DHRSX: variants seen among roughly 807,000 people sequenced by gnomAD.
DHRSX encodes polyprenol dehydrogenase.
A neutral mutation model predicts 34.0 loss-of-function variants in DHRSX; 31 were observed. The ratio of observed to expected loss-of-function variants is 0.91; its 90% confidence interval spans 0.69 to 1.23. DHRSX has a LOEUF of 1.23. DHRSX is among the 50% of genes most tolerant of loss of function. The pLI is 0.00. For synonymous variants in DHRSX, 201 were observed against 183.8 expected, an observed-to-expected ratio of 1.09 and a Z score of -0.76; for missense variants, 414 against 428.1, an observed-to-expected ratio of 0.97 and a Z score of 0.29.
At chrX:2,242,330 C>G (rs1045942794) in intron 6 of DHRSX, among the ~76,000 whole-genome samples, 49 of 147,288 alleles carry the variant, frequency 3.3e-4, no homozygotes, top group African/African-American at 1.2e-3. Context: ...GCGTCACCCA[C>G]CGAGCTCGCA....
intron 1 of DHRSX, among the ~76,000 whole-genome samples, chrX:2,438,954 G>T (rs1266361663): frequency 6.6e-6 from 1 of 151,942 alleles, no homozygotes; most frequent in African/African-American, 2.4e-5. Context: ...AGACCAGCCT[G>T]GCCAACATGG....
chrX:2,229,123 G>C (rs1252936245), intron 6 of DHRSX, among the ~76,000 whole-genome samples: 2 of 152,152 alleles, frequency 1.3e-5, no homozygotes, highest in Non-Finnish European at 2.9e-5. Context: ...TCCTTGAGTT[G>C]TGCTGAGAGA....
intron 6 of DHRSX, among the ~76,000 whole-genome samples, chrX:2,238,348 C>T (rs1260929411): frequency 1.3e-5 from 2 of 152,050 alleles, no homozygotes; most frequent in Non-Finnish European, 2.9e-5. Flanking sequence ...CAGGGCGAGA[C>T]CCCATCTCAA....
intron 6 of DHRSX, 104 bp from the exon 7 acceptor site, chrX:2,221,333 A>C: frequency 1.0e-3 from 1,190 of 1,159,132 alleles, no homozygotes; most frequent in Non-Finnish European, 1.4e-3. Context: ...GAATATACTC[A>C]TCAGCTGCAC....
chrX:2,260,613 C>T (rs1373774033), intron 5 of DHRSX, among the ~76,000 whole-genome samples: 1 of 152,104 alleles, frequency 6.6e-6, no homozygotes, highest in African/African-American at 2.4e-5. Context: ...ACGCGCAGCA[C>T]CACGCCCGGC....
intron 3 of DHRSX, among the ~76,000 whole-genome samples, chrX:2,294,801 GA>G (rs2041912065): frequency 8.1e-6 from 1 of 124,064 alleles, no homozygotes; most frequent in South Asian, 2.6e-4. Context: ...GAGGGAGAGA[GA>G]GAGAGGAAAA....
intron 4 of DHRSX, among the ~76,000 whole-genome samples, chrX:2,267,697 A>G (rs1042880646): frequency 6.6e-6 from 1 of 152,128 alleles, no homozygotes; most frequent in Non-Finnish European, 1.5e-5. Context: ...ATGTAATCCC[A>G]GCCTTTGGGT....
intron 1 of DHRSX, among the ~76,000 whole-genome samples, chrX:2,447,471 A>G (rs955036870): frequency 6.6e-6 from 1 of 152,202 alleles, no homozygotes; most frequent in African/African-American, 2.4e-5. Context: ...AGGTTCAGTC[A>G]TGGGCCTGTG....
At chrX:2,418,210 A>T (rs1204703955) in intron 2 of DHRSX, among the ~76,000 whole-genome samples, 2 of 152,198 alleles carry the variant, frequency 1.3e-5, no homozygotes, top group Non-Finnish European at 2.9e-5. Context: ...ACCATACCTC[A>T]TAATGACCTA....
In DHRSX at chrX:2,375,213, C is replaced by G. The variant is rs1468381620; in HGVS notation, c.286+33532G>C. Among the ~76,000 whole-genome samples the G allele has an allele frequency of 1.4e-5, 2 of 138,408 alleles. 1 individual carries two copies. Among genetic ancestry groups the G allele is most frequent in the Non-Finnish European group, 3.4e-5 (2 of 58,584 alleles). The allele number at this position is 138,408 out of a possible 152,430, so 90.8% of individuals were successfully genotyped here. On this transcript the variant is annotated intron_variant, in intron 3 of 6. Transcript: ENST00000334651. ...GAATTTCTGGAGTGCAGAAAGCAAC[C>G]ACATCAGGTGGGAATACGCCCTCCC...
In DHRSX at chrX:2,431,733, C is replaced by T. The variant is rs756769977; in HGVS notation, c.110-6429G>A. ...GTACAGATGGACATAAAGATGGGAA[C>T]AATAAACACTGAGCAATTCAATGGG... On this transcript the variant is annotated intron_variant, in intron 1 of 6. Transcript: ENST00000334651. 1.4e-4 allele frequency among the ~76,000 whole-genome samples: 21 copies of T among 152,166 alleles called. No individual in the cohort carries two copies. In the East Asian group the frequency reaches 3.9e-3, roughly 28 times the overall value.
At chrX:2,485,396 T>G (rs915972566) in intron 1 of DHRSX, among the ~76,000 whole-genome samples, 2 of 150,730 alleles carry the variant, frequency 1.3e-5, no homozygotes, top group African/African-American at 4.9e-5. Flanking sequence ...CCAACAGCAC[T>G]TGGAAAGGGC....
chrX:2,361,011 T>C (rs1457793257), intron 3 of DHRSX, among the ~76,000 whole-genome samples: 1 of 152,184 alleles, frequency 6.6e-6, no homozygotes, highest in Non-Finnish European at 1.5e-5. Flanking sequence ...CAATCAGTTC[T>C]GACAGCTCCT....
intron 3 of DHRSX, among the ~76,000 whole-genome samples, chrX:2,391,038 T>C (rs1389821533): frequency 3.9e-5 from 6 of 152,250 alleles, no homozygotes; most frequent in Admixed American, 2.6e-4. Flanking sequence ...TACCACATTC[T>C]GCTTATCCAT....
intron 1 of DHRSX, chrX:2,489,031 C>T (rs1222232303): frequency 6.2e-7 from 1 of 1,613,322 alleles, no homozygotes; most frequent in Non-Finnish European, 8.5e-7. Flanking sequence ...GGGCATGCCA[C>T]TCTTCCTGGT....
At chrX:2,438,246 C>T (rs2044020098) in intron 1 of DHRSX, among the ~76,000 whole-genome samples, 1 of 149,568 alleles carries the variant, frequency 6.7e-6, no homozygotes, top group Non-Finnish European at 1.5e-5. Flanking sequence ...TATTGGACTG[C>T]AGAGGAGAGG....
intron 6 of DHRSX, among the ~76,000 whole-genome samples, chrX:2,234,006 G>A (rs1231389301): frequency 6.6e-6 from 1 of 152,218 alleles, no homozygotes; most frequent in Non-Finnish European, 1.5e-5. Context: ...AGCAGGGAAG[G>A]AGAGGAGAAG....
chrX:2,373,730 G>A (rs1423143087), intron 3 of DHRSX, among the ~76,000 whole-genome samples: 6 of 151,798 alleles, frequency 4.0e-5, no homozygotes, highest in African/African-American at 4.9e-5. Flanking sequence ...TACCTGACGC[G>A]GTGTGGACAG....
chrX:2,472,637 C>T lies in DHRSX; in HGVS notation c.109+28180G>A, dbSNP rs1038472248. 3.8e-4 allele frequency among the ~76,000 whole-genome samples: 58 copies of T among 151,942 alleles called. 1 individual carries two copies. Among genetic ancestry groups the T allele is most frequent in the Non-Finnish European group, 5.3e-4 (36 of 68,006 alleles). The stretch of plus-strand genomic sequence containing the variant: ...ATACAAAATCAGCCGAGCATGGTGG[C>T]GCATGCCTATAATCTCAGCTACCTT... On this transcript the variant is annotated intron_variant, in intron 1 of 6. Coordinates refer to ENST00000334651, the MANE Select transcript of DHRSX (RefSeq NM_145177.3).
Sources: allele counts gnomAD v4.1 joint callset (sites outside exome capture counted in the v4.1 genomes callset), GRCh38; gene constraint gnomAD v4.1.1; transcripts MANE v1.5; gene names NCBI Gene and HGNC (gene_info 2026-07-23, HGNC 2026-07-21).